Variants in PARD3 observed in about 807,000 individuals in gnomAD.
PARD3 encodes par-3 family cell polarity regulator.
Under a neutral mutation model 155.4 loss-of-function variants are expected in PARD3, and 75 were observed. That is an observed-to-expected ratio of 0.48 (90% CI 0.40 to 0.58). The LOEUF is 0.58. Among genes scored for constraint, PARD3 ranks in the 20% least tolerant of loss-of-function variants. The pLI is 0.00. For synonymous variants in PARD3, 576 were observed against 610.5 expected, an observed-to-expected ratio of 0.94 and a Z score of 0.83; for missense variants, 1,642 against 1,721.7, an observed-to-expected ratio of 0.95 and a Z score of 0.82.
chr10:34,325,439 C>T (rs1958632070), intron 19 of PARD3, among the ~76,000 whole-genome samples: 1 of 152,102 alleles, frequency 6.6e-6, no homozygotes, highest in Non-Finnish European at 1.5e-5. Context: ...AGCAGTAACA[C>T]TCAACTCGGC....
chr10:34,238,665 T>C (rs1379726912), intron 22 of PARD3, among the ~76,000 whole-genome samples: 1 of 152,176 alleles, frequency 6.6e-6, no homozygotes, highest in Non-Finnish European at 1.5e-5. Flanking sequence ...TGCTGAACAC[T>C]TTAAAATCTC....
intron 22 of PARD3, among the ~76,000 whole-genome samples, chr10:34,227,856 T>TTTTATATATATATATATATA (rs1554814033): frequency 3.6e-5 from 3 of 82,278 alleles, no homozygotes; most frequent in Non-Finnish European, 7.0e-5. Flanking sequence ...GAATTATTTT[T>TTTTATATATATATATATATA]TATATATATA....
intron 1 of PARD3, among the ~76,000 whole-genome samples, chr10:34,769,470 TA>T (rs1344864506): frequency 6.6e-6 from 1 of 151,432 alleles, no homozygotes; most frequent in African/African-American, 2.5e-5. Context: ...ATCATTACTG[TA>T]ATTTTTTTTT....
intron 1 of PARD3, among the ~76,000 whole-genome samples, chr10:34,701,005 A>G (rs982596527): frequency 2.6e-5 from 4 of 152,146 alleles, no homozygotes; most frequent in African/African-American, 4.8e-5. Context: ...CTGACAAAAT[A>G]TAAGTCATAA....
At chr10:34,374,785 G>C in intron 11 of PARD3, 89 bp downstream of exon 11, 1 of 1,221,412 alleles carries the variant, frequency 8.2e-7, no homozygotes, top group South Asian at 1.4e-5. Context: ...CTCAGAAAAT[G>C]TCTCAATAAA....
intron 1 of PARD3, among the ~76,000 whole-genome samples, chr10:34,772,865 C>T (rs2134107073): frequency 6.6e-6 from 1 of 151,580 alleles, no homozygotes; most frequent in South Asian, 2.1e-4. Context: ...AGCAAGAAAG[C>T]CTGTAATAAA....
At chr10:34,600,556 G>A (rs1356409213) in intron 2 of PARD3, among the ~76,000 whole-genome samples, 1 of 152,126 alleles carries the variant, frequency 6.6e-6, no homozygotes, top group Admixed American at 6.5e-5. Context: ...CATGTTCAGA[G>A]CAGGACCTTA....
intron 9 of PARD3, among the ~76,000 whole-genome samples, chr10:34,380,517 T>G (rs752724105): frequency 6.6e-6 from 1 of 152,178 alleles, no homozygotes; most frequent in Non-Finnish European, 1.5e-5. Context: ...ATTTATCACT[T>G]CAGACTTACT....
At chr10:34,280,059 C>T (rs1462101049) in intron 21 of PARD3, among the ~76,000 whole-genome samples, 1 of 152,082 alleles carries the variant, frequency 6.6e-6, no homozygotes, top group African/African-American at 2.4e-5. Context: ...AGCCAGCTAA[C>T]ATTATAAACC....
At position 34,196,723 on chromosome 10, in the gene PARD3, G is replaced by A. The variant is rs769052304; in HGVS notation, c.3420-65140C>T. Among the ~76,000 whole-genome samples the A allele has an allele frequency of 4.3e-4, 66 of 151,780 alleles. 1 individual carries two copies. The highest frequency in any genetic ancestry group is 2.5e-3 in the Admixed American group (38 of 15,248). Reference sequence around the variant, plus strand: ...CGAGTAGCTGGGACTACAGGTGCCCGCCACCACACTTGGCTAATTTTCTGT... The same window carrying A: ...CGAGTAGCTGGGACTACAGGTGCCCACCACCACACTTGGCTAATTTTCTGT... On this transcript the variant is annotated intron_variant, in intron 22 of 24. Coordinates refer to ENST00000374788, the MANE Select transcript of PARD3 (RefSeq NM_001184785.2).
At chr10:34,267,361 C>T (rs1955372848) in intron 22 of PARD3, among the ~76,000 whole-genome samples, 1 of 152,148 alleles carries the variant, frequency 6.6e-6, no homozygotes, top group African/African-American at 2.4e-5. Context: ...AGATAATAAG[C>T]AAGTGAACCT....
rs138783304 is a variant in PARD3, at chr10:34,577,508, G to A, written c.223-60349C>T. Among the ~76,000 whole-genome samples the A allele has an allele frequency of 2.2e-4, 33 of 152,266 alleles. No individual in the cohort carries two copies. The East Asian group carries it at 5.8e-3, about 27-fold the overall frequency. On this transcript the variant is annotated intron_variant, in intron 2 of 24. Coordinates refer to ENST00000374788, the MANE Select transcript of PARD3 (RefSeq NM_001184785.2). ...AATTTAGAAATGTTTCAAACCGCTG[G>A]ACACTCAGCTGAAGGCAACACAGCA...
At chr10:34,271,458 T>A (rs1011660156) in intron 21 of PARD3, among the ~76,000 whole-genome samples, 2 of 152,178 alleles carry the variant, frequency 1.3e-5, no homozygotes, top group Non-Finnish European at 2.9e-5. Flanking sequence ...AAAAGTTACA[T>A]GATTGTATCA....
At chr10:34,511,353 T>A (rs976941831) in intron 3 of PARD3, among the ~76,000 whole-genome samples, 1 of 152,218 alleles carries the variant, frequency 6.6e-6, no homozygotes, top group Non-Finnish European at 1.5e-5. Context: ...TAATGGTGAC[T>A]GTCTTAGTTC....
Position 34,441,866 on chromosome 10 carries a change from C to A in PARD3, c.714+8451G>T, listed in dbSNP as rs148732388. 3.2e-3 allele frequency among the ~76,000 whole-genome samples: 482 copies of A among 152,096 alleles called. 2 individuals carry two copies. The highest frequency in any genetic ancestry group is 0.011 in the African/African-American group (455 of 41,488). ...GCACAACAAAATAATCTGCTACTGGCGTTAATATATCCAGGTAACAAGTCT... is the reference window on the plus strand; with the variant it reads ...GCACAACAAAATAATCTGCTACTGGAGTTAATATATCCAGGTAACAAGTCT... On this transcript the variant is annotated intron_variant, in intron 5 of 24. Transcript: ENST00000374788.
intron 22 of PARD3, among the ~76,000 whole-genome samples, chr10:34,237,564 C>G (rs1953314106): frequency 6.6e-6 from 1 of 152,068 alleles, no homozygotes; most frequent in Admixed American, 6.6e-5. Flanking sequence ...AATTTCCATA[C>G]AATATCTCAA....
chr10:34,431,432 G>T (rs1169379994), intron 5 of PARD3, among the ~76,000 whole-genome samples: 1 of 152,096 alleles, frequency 6.6e-6, no homozygotes. Flanking sequence ...AAGTTAAATA[G>T]AAATTTGTGC....
chr10:34,655,887 A>G (rs2093154312), intron 2 of PARD3, among the ~76,000 whole-genome samples: 3 of 152,216 alleles, frequency 2.0e-5, no homozygotes, highest in East Asian at 1.9e-4. Context: ...AACAGATGCC[A>G]TGAAGGAAAG....
chr10:34,446,245 CAG>C (rs1384368814), intron 5 of PARD3, among the ~76,000 whole-genome samples: 8 of 152,250 alleles, frequency 5.3e-5, no homozygotes, highest in Admixed American at 5.2e-4. Context: ...TGCTAAGCTA[CAG>C]AGTTAACTCC....
Sources: allele counts gnomAD v4.1 joint callset (sites outside exome capture counted in the v4.1 genomes callset), GRCh38; gene constraint gnomAD v4.1.1; transcripts MANE v1.5; gene names NCBI Gene and HGNC (gene_info 2026-07-23, HGNC 2026-07-21).